The following FAM184A variants were observed in gnomAD, a reference collection of about 807,000 sequenced individuals.
FAM184A encodes the protein family with sequence similarity 184 member A, also known as protein FAM184A.
A neutral mutation model predicts 143.8 loss-of-function variants in FAM184A; 99 were observed. That is an observed-to-expected ratio of 0.69 (90% CI 0.58 to 0.81). The LOEUF is 0.81. Ranked by LOEUF, FAM184A falls within the 40% of genes least tolerant of loss-of-function variation. The pLI is 0.00. For synonymous variants in FAM184A, 427 were observed against 446.4 expected, an observed-to-expected ratio of 0.96 and a Z score of 0.55; for missense variants, 1,217 against 1,310.5, an observed-to-expected ratio of 0.93 and a Z score of 1.10.
At chr6:118,986,437 G>A (rs1784198992) in intron 9 of FAM184A, among the ~76,000 whole-genome samples, 1 of 152,200 alleles carries the variant, frequency 6.6e-6, no homozygotes, top group African/African-American at 2.4e-5. Context: ...TTCTTGTATG[G>A]AAAGCTGGGG....
chr6:119,075,619 T>C (rs1009043479), intron 1 of FAM184A, among the ~76,000 whole-genome samples: 2 of 152,164 alleles, frequency 1.3e-5, no homozygotes, highest in Non-Finnish European at 2.9e-5. Context: ...AGAAATAAAA[T>C]CCAATTTTAA....
rs571121713 is a variant in FAM184A, at chr6:119,130,685, ACAAACGT to A, written c.-202+18386_-202+18392del. Among the ~76,000 whole-genome samples the A allele has an allele frequency of 2.2e-3, 336 of 152,284 alleles. 2 individuals carry two copies. The highest frequency in any genetic ancestry group is 3.6e-3 in the Non-Finnish European group (243 of 68,022). ...GAAATTTACAAAGTAATTTGTTTAA[ACAAACGT>A]CAAATTGCCAGAAATCATATGATAA... On this transcript the variant is annotated intron_variant, in intron 1 of 16. Coordinates refer to the FAM184A transcript ENST00000352896.
chr6:119,085,509 A>G (rs1427309329), intron 1 of FAM184A, among the ~76,000 whole-genome samples: 1 of 152,190 alleles, frequency 6.6e-6, no homozygotes, highest in African/African-American at 2.4e-5. Context: ...TTGGTCACAA[A>G]AATTTAACCA....
Position 118,984,169 on chromosome 6 carries a change from ATATATATATT to A in FAM184A, c.2089-3829_2089-3820del, listed in dbSNP as rs1185777872. Among the ~76,000 whole-genome samples the A allele has an allele frequency of 3.4e-3, 488 of 142,150 alleles. 5 individuals are homozygous for A. Among genetic ancestry groups the A allele is most frequent in the South Asian group, 0.025 (114 of 4,632 alleles). The allele number at this position is 142,150 out of a possible 152,430, so 93.3% of individuals were successfully genotyped here. A position where few individuals can be genotyped will look rare whatever the true frequency, so the allele number is the denominator to read the frequency against. ...CCATTTAAAAAAAAAATATATATAT[ATATATATATT>A]TATATATATATTTATATTTATATAT... On this transcript the variant is annotated intron_variant, in intron 9 of 17. Transcript: ENST00000338891.
chr6:119,094,000 C>G (rs1009641590), intron 1 of FAM184A, among the ~76,000 whole-genome samples: 2 of 133,122 alleles, frequency 1.5e-5, no homozygotes, highest in South Asian at 6.1e-4. Context: ...CTCCCTCCCT[C>G]CCCTCCCCTC....
intron 1 of FAM184A, among the ~76,000 whole-genome samples, chr6:119,058,341 C>A (rs2114762210): frequency 6.6e-6 from 1 of 152,002 alleles, no homozygotes; most frequent in South Asian, 2.1e-4. Context: ...GCTGGGATTA[C>A]AGGTGTGCGC....
At chr6:119,100,919 A>G (rs1350100143) in intron 1 of FAM184A, among the ~76,000 whole-genome samples, 1 of 151,224 alleles carries the variant, frequency 6.6e-6, no homozygotes, top group Non-Finnish European at 1.5e-5. Flanking sequence ...AGATCACGCC[A>G]CTGCACTCCA....
At chr6:119,114,188 ATC>A (rs1306810363) in intron 1 of FAM184A, among the ~76,000 whole-genome samples, 2 of 152,198 alleles carry the variant, frequency 1.3e-5, no homozygotes, top group Admixed American at 6.5e-5. Flanking sequence ...TATTGCTATT[ATC>A]TCTCATTCAC....
At chr6:119,039,854 T>C (rs1786254803) in intron 1 of FAM184A, among the ~76,000 whole-genome samples, 1 of 152,210 alleles carries the variant, frequency 6.6e-6, no homozygotes, top group Non-Finnish European at 1.5e-5. Context: ...TGCAACTTCC[T>C]GGACATGCAG....
chr6:119,018,510 A>C (rs201831948), intron 4 of FAM184A, among the ~76,000 whole-genome samples: 270 of 152,260 alleles, frequency 1.8e-3, no homozygotes, highest in African/African-American at 6.1e-3. Context: ...ACAAGGTGAT[A>C]AAGTGGTGAA....
intron 1 of FAM184A, among the ~76,000 whole-genome samples, chr6:119,107,576 A>G (rs1287449071): frequency 6.6e-6 from 1 of 152,166 alleles, no homozygotes; most frequent in Non-Finnish European, 1.5e-5. Context: ...AGCCTGGCCA[A>G]TGTAGTGAAA....
intron 1 of FAM184A, among the ~76,000 whole-genome samples, chr6:119,039,492 T>C (rs1786237844): frequency 2.6e-5 from 4 of 152,202 alleles, no homozygotes; most frequent in African/African-American, 7.2e-5. Flanking sequence ...AAATCTTAAA[T>C]GCATATTGTT....
chr6:118,981,160 A>G, intron 9 of FAM184A, among the ~76,000 whole-genome samples: 1 of 152,078 alleles, frequency 6.6e-6, no homozygotes, highest in South Asian at 2.1e-4. Context: ...GTCTTAATAT[A>G]CTTAAAATTA....
intron 1 of FAM184A, among the ~76,000 whole-genome samples, chr6:119,088,387 T>C (rs1372327077): frequency 1.3e-5 from 2 of 152,218 alleles, no homozygotes; most frequent in African/African-American, 2.4e-5. Flanking sequence ...GCTTTCCTCA[T>C]GGAGATGAAA....
Position 119,131,840 on chromosome 6 carries a change from T to G in FAM184A, c.-202+17238A>C, listed in dbSNP as rs76222609. Among the ~76,000 whole-genome samples the G allele has an allele frequency of 2.9e-4, 44 of 152,274 alleles. 2 individuals are homozygous for G. The East Asian group carries it at 8.5e-3, about 29-fold the overall frequency. ...ATAAAATAAAATCCTGTATTGTGTT[T>G]TGTGCTATAGATACATTTTAATACA... On this transcript the variant is annotated intron_variant, in intron 1 of 16. Transcript: ENST00000352896.
chr6:119,069,947 T>C (rs903916446), intron 1 of FAM184A, among the ~76,000 whole-genome samples: 1 of 152,096 alleles, frequency 6.6e-6, no homozygotes, highest in Non-Finnish European at 1.5e-5. Flanking sequence ...ACTTTCCAAC[T>C]TCCTCAAACT....
intron 1 of FAM184A, among the ~76,000 whole-genome samples, chr6:119,047,796 A>G (rs368781974): frequency 6.6e-6 from 1 of 152,204 alleles, no homozygotes; most frequent in East Asian, 1.9e-4. Flanking sequence ...TCTACCAGAT[A>G]TAAAACAAAG....
chr6:119,024,197 T>C lies in FAM184A; in HGVS notation c.776A>G (p.Tyr259Cys), dbSNP rs758121671. The change falls in exon 2 of 18, where the codon TAT (tyrosine) becomes TGT (cysteine). Residue 259 changes from tyrosine to cysteine, a missense_variant. Tyr to Cys is a radical substitution (Grantham distance 194). Transcript: ENST00000338891. ...EGKLNKAQSF[Y>C]ERELDTLKRS... is the part of the protein sequence containing the mutation. ...TTTCAAAGTATCAAGCTCACGTTCA[T>C]AAAAGGACTGAGCTTTATTCAACTT... 2 of 1,614,254 alleles carry C rather than the reference T, an allele frequency of 1.2e-6. No homozygotes were observed. Among genetic ancestry groups the C allele is most frequent in the East Asian group, 4.5e-5 (2 of 44,888 alleles).
intron 1 of FAM184A, among the ~76,000 whole-genome samples, chr6:119,049,729 C>T (rs535865164): frequency 6.6e-6 from 1 of 152,286 alleles, no homozygotes; most frequent in Non-Finnish European, 1.5e-5. Context: ...ACTATAAAAA[C>T]TCTGGAAGAT....
Sources: gnomAD v4.1 joint callset for allele counts (sites outside exome capture counted in the v4.1 genomes callset) on GRCh38, gnomAD v4.1.1 for gene constraint, MANE v1.5 for transcripts, NCBI Gene and HGNC (gene_info 2026-07-23, HGNC 2026-07-21) for gene names.